Variants in CDYL observed in about 807,000 individuals in gnomAD.
CDYL encodes chromodomain Y like.
A neutral mutation model predicts 47.3 loss-of-function variants in CDYL; 8 were observed. The observed-to-expected ratio is 0.17, with a 90% CI of 0.10 to 0.31. CDYL has a LOEUF of 0.31. Ranked by LOEUF, CDYL falls within the 10% of genes least tolerant of loss-of-function variation. CDYL has a pLI of 1.00. For synonymous variants in CDYL, 266 were observed against 265.0 expected (o/e 1.00, Z -0.04); for missense variants, 471 against 701.4 (o/e 0.67, Z 3.71).
chr6:4,848,819 C>G (rs920931125), intron 1 of CDYL, among the ~76,000 whole-genome samples: 7 of 152,026 alleles, frequency 4.6e-5, no homozygotes, highest in Admixed American at 6.6e-5. Flanking sequence ...CTCTGTGAAG[C>G]CTGGTGGGAC....
chr6:4,768,857 G>A (rs1395050792), intron 3 of CDYL, among the ~76,000 whole-genome samples: 1 of 152,148 alleles, frequency 6.6e-6, no homozygotes, highest in Non-Finnish European at 1.5e-5. Context: ...GTTGATCGTA[G>A]GTATCCTTGA....
chr6:4,721,157 G>C (rs1757362030), intron 2 of CDYL, among the ~76,000 whole-genome samples: 1 of 152,126 alleles, frequency 6.6e-6, no homozygotes, highest in East Asian at 1.9e-4. Flanking sequence ...AGGAAGGATA[G>C]GGAAACAATA....
chr6:4,943,457 C>A, intron 4 of CDYL, 89 bp from the exon 5 acceptor site: 2 of 938,942 alleles, frequency 2.1e-6, no homozygotes, highest in East Asian at 2.5e-5. Context: ...GTAGCATTTA[C>A]ATCTTGGTAA....
In CDYL at chr6:4,730,655, C is replaced by T. The variant is rs201659243; in HGVS notation, c.104-4107C>T. On this transcript the variant is annotated intron_variant, in intron 2 of 8. Coordinates refer to the CDYL transcript ENST00000328908. Reference sequence around the variant, plus strand: ...CGCCATTGTACTCCAGCCTGGGCAACAAGAGCGAAATTCCATCTCAAAAAA... The same window carrying T: ...CGCCATTGTACTCCAGCCTGGGCAATAAGAGCGAAATTCCATCTCAAAAAA... Among the ~76,000 whole-genome samples the T allele has an allele frequency of 2.4e-4, 25 of 104,214 alleles. No individual in the cohort carries two copies. In the East Asian group the frequency reaches 6.4e-3, roughly 27 times the overall value. The allele number at this position is 104,214 out of a possible 152,430, so 68.4% of individuals were successfully genotyped here. A position where few individuals can be genotyped will look rare whatever the true frequency, so the allele number is the denominator to read the frequency against.
intron 3 of CDYL, among the ~76,000 whole-genome samples, chr6:4,744,055 C>T (rs1476022215): frequency 6.6e-6 from 1 of 152,020 alleles, no homozygotes; most frequent in Non-Finnish European, 1.5e-5. Context: ...CGACTAATTC[C>T]TGACCCAGAA....
intron 1 of CDYL, among the ~76,000 whole-genome samples, chr6:4,837,699 G>A (rs752828182): frequency 3.3e-4 from 50 of 151,792 alleles, no homozygotes; most frequent in Middle Eastern, 3.2e-3. Context: ...TCCTGACCTC[G>A]TGATCCACCC....
chr6:4,864,014 G>A (rs1374719592), intron 1 of CDYL, among the ~76,000 whole-genome samples: 1 of 152,186 alleles, frequency 6.6e-6, no homozygotes, highest in Non-Finnish European at 1.5e-5. Flanking sequence ...AGTAGAAGAT[G>A]TTGAAGGCAC....
intron 1 of CDYL, among the ~76,000 whole-genome samples, chr6:4,834,902 C>G (rs1016559625): frequency 6.6e-6 from 1 of 152,078 alleles, no homozygotes; most frequent in African/African-American, 2.4e-5. Flanking sequence ...ACGTAGTTCT[C>G]GAGCCTTGGC....
Position 4,923,765 on chromosome 6 carries a change from G to A in CDYL, c.692-11750G>A, listed in dbSNP as rs574878472. 2.0e-5 allele frequency among the ~76,000 whole-genome samples: 3 copies of A among 152,212 alleles called. 1 individual carries two copies. The highest frequency in any genetic ancestry group is 7.2e-5 in the African/African-American group (3 of 41,528). On this transcript the variant is annotated intron_variant, in intron 2 of 6. Coordinates refer to ENST00000397588, the MANE Select transcript of CDYL (RefSeq NM_004824.4). ...ATTTAAAAAAAATTAGCCAGGCATG[G>A]TGGCGGGCGCCTGTAGTCCCAGCTA...
chr6:4,830,923 G>A (rs930471124), intron 1 of CDYL, among the ~76,000 whole-genome samples: 11 of 152,142 alleles, frequency 7.2e-5, no homozygotes, highest in African/African-American at 2.2e-4. Flanking sequence ...TCCCTACAAA[G>A]GACCTGAGCT....
intron 2 of CDYL, among the ~76,000 whole-genome samples, chr6:4,719,053 T>A (rs9405764): frequency 0.13 from 19,412 of 152,030 alleles, 1,485 homozygotes; most frequent in African/African-American, 0.23. Flanking sequence ...CCTTCCCAGT[T>A]GCTAGGCCTA....
In CDYL at chr6:4,710,379, G is replaced by GGGAGGGAGGGAA. The variant is rs1554130869; in HGVS notation, c.-39+4131_-39+4132insGGGAGGGAAGGA. ...AGGGAGGGAAGGAGGGAGGGAGGGA[G>GGGAGGGAGGGAA]GGAAGGAAGGAAGGAAGGAAGGAAA... is the stretch of plus-strand genomic sequence containing the variant. On this transcript the variant is annotated intron_variant, in intron 1 of 8. Transcript: ENST00000328908. 1.6e-4 allele frequency among the ~76,000 whole-genome samples: 16 copies of GGGAGGGAGGGAA among 101,160 alleles called. 1 individual carries two copies. Among genetic ancestry groups the GGGAGGGAGGGAA allele is most frequent in the African/African-American group, 4.5e-4 (14 of 31,068 alleles). The allele number at this position is 101,160 out of a possible 152,430, so 66.4% of individuals were successfully genotyped here.
intron 2 of CDYL, among the ~76,000 whole-genome samples, chr6:4,723,345 G>C (rs1757409225): frequency 6.6e-6 from 1 of 152,012 alleles, no homozygotes; most frequent in Non-Finnish European, 1.5e-5. Context: ...ATCCCCAACA[G>C]ATACCAAGGA....
At chr6:4,908,245 G>A (rs1480386910) in intron 2 of CDYL, among the ~76,000 whole-genome samples, 1 of 152,200 alleles carries the variant, frequency 6.6e-6, no homozygotes, top group African/African-American at 2.4e-5. Flanking sequence ...CATAGCTATG[G>A]GTGATCCTTG....
intron 2 of CDYL, among the ~76,000 whole-genome samples, chr6:4,906,940 C>T (rs1290623142): frequency 5.3e-5 from 8 of 152,150 alleles, no homozygotes; most frequent in Non-Finnish European, 8.8e-5. Context: ...AGAAATTTGC[C>T]ATTTAGGAAT....
At chr6:4,726,270 C>T (rs963380963) in intron 2 of CDYL, among the ~76,000 whole-genome samples, 1 of 152,096 alleles carries the variant, frequency 6.6e-6, no homozygotes, top group Non-Finnish European at 1.5e-5. Context: ...GGCGTGGCGG[C>T]TCTCGCGCAT....
At chr6:4,885,601 A>G (rs1761880301) in intron 1 of CDYL, among the ~76,000 whole-genome samples, 1 of 152,206 alleles carries the variant, frequency 6.6e-6, no homozygotes, top group African/African-American at 2.4e-5. Context: ...ATCCATGAAA[A>G]TGTCAAAAAC....
At chr6:4,909,393 G>A (rs755870062) in intron 2 of CDYL, among the ~76,000 whole-genome samples, 2 of 152,110 alleles carry the variant, frequency 1.3e-5, no homozygotes, top group Non-Finnish European at 2.9e-5. Flanking sequence ...CTTATTATCA[G>A]CTCTGCTGCT....
At chr6:4,761,169 A>G (rs1758169486) in intron 3 of CDYL, among the ~76,000 whole-genome samples, 1 of 152,240 alleles carries the variant, frequency 6.6e-6, no homozygotes, top group Non-Finnish European at 1.5e-5. Context: ...CAGTTGAGAT[A>G]AGCTCTTGGC....
Sources: gnomAD v4.1 joint callset for allele counts (sites outside exome capture counted in the v4.1 genomes callset) on GRCh38, gnomAD v4.1.1 for gene constraint, MANE v1.5 for transcripts, NCBI Gene and HGNC (gene_info 2026-07-23, HGNC 2026-07-21) for gene names.